GALNTL6: variants seen among roughly 807,000 people sequenced by gnomAD.
GALNTL6 encodes polypeptide N-acetylgalactosaminyltransferase-like 6.
GALNTL6 carries 46 observed loss-of-function variants against 73.7 expected under a neutral mutation model. The ratio of observed to expected loss-of-function variants is 0.62; its 90% confidence interval spans 0.49 to 0.80. GALNTL6 has a LOEUF of 0.80. GALNTL6 is among the 30% of genes least tolerant of loss of function. GALNTL6 has a pLI of 0.00. For synonymous variants in GALNTL6, 259 were observed against 263.7 expected (o/e 0.98, Z 0.17); for missense variants, 604 against 755.0 (o/e 0.80, Z 2.34).
At chr4:172,958,640 C>T (rs574245868) in intron 10 of GALNTL6, among the ~76,000 whole-genome samples, 4 of 152,128 alleles carry the variant, frequency 2.6e-5, no homozygotes, top group African/African-American at 4.8e-5. Flanking sequence ...CGGCAGGGAG[C>T]GCACGTGTGT....
chr4:171,983,515 G>GGTCTCTCA (rs1945633148), intron 2 of GALNTL6, among the ~76,000 whole-genome samples: 1 of 145,974 alleles, frequency 6.9e-6, no homozygotes, highest in Admixed American at 6.8e-5. Flanking sequence ...TTTGAGACGG[G>GGTCTCTCA]GTCTCTCATT....
chr4:172,090,567 T>G (rs1160193054), intron 2 of GALNTL6, among the ~76,000 whole-genome samples: 3 of 152,122 alleles, frequency 2.0e-5, no homozygotes, highest in Non-Finnish European at 4.4e-5. Flanking sequence ...TTGTAAATTT[T>G]TTTAAGTTCT....
chr4:172,363,060 C>T (rs1311024388), intron 5 of GALNTL6, among the ~76,000 whole-genome samples: 2 of 152,094 alleles, frequency 1.3e-5, no homozygotes, highest in Non-Finnish European at 1.5e-5. Flanking sequence ...TTCTTATGCA[C>T]AACATGTCAA....
At chr4:172,132,708 T>C (rs1235500185) in intron 2 of GALNTL6, among the ~76,000 whole-genome samples, 1 of 152,188 alleles carries the variant, frequency 6.6e-6, no homozygotes, top group East Asian at 1.9e-4. Context: ...ATGAATCATA[T>C]TGGAACCTTT....
rs72983876 is a variant in GALNTL6 at position 171,901,468 on chromosome 4, G to A, written c.138+86750G>A. On this transcript the variant is annotated intron_variant, in intron 2 of 12. Transcript: ENST00000506823. ...AAACAGCAGGGAAACAATTACAACT[G>A]AGGGAAGTAAAGTAAGGAAATATTT... 4.4e-3 allele frequency among the ~76,000 whole-genome samples: 677 copies of A among 152,144 alleles called. 6 individuals are homozygous for A. The highest frequency in any genetic ancestry group is 0.016 in the African/African-American group (646 of 41,526).
In GALNTL6 at chr4:172,201,234, G is replaced by T. The variant is rs1388603033; in HGVS notation, c.139-28422G>T. On this transcript the variant is annotated intron_variant, in intron 2 of 12. Transcript: ENST00000506823. ...TTTTGTTTTGTTGTTTTGAGACGGG[G>T]TCTTGCTCTGTCCCCAGGCTGGAGT... 2.0e-5 allele frequency among the ~76,000 whole-genome samples: 3 copies of T among 151,722 alleles called. No homozygotes were observed. The East Asian group carries it at 5.8e-4, about 29-fold the overall frequency.
intron 5 of GALNTL6, among the ~76,000 whole-genome samples, chr4:172,350,813 T>C (rs1311798964): frequency 1.3e-5 from 2 of 152,168 alleles, no homozygotes; most frequent in Non-Finnish European, 2.9e-5. Flanking sequence ...TTGGTTGATG[T>C]ACATTAGCAC....
chr4:172,550,773 A>G (rs1735927702), intron 5 of GALNTL6, among the ~76,000 whole-genome samples: 1 of 151,894 alleles, frequency 6.6e-6, no homozygotes, highest in Admixed American at 6.6e-5. Flanking sequence ...CATTGCAAAT[A>G]TTTTCTCTGA....
chr4:172,445,965 T>C (rs1295753002), intron 5 of GALNTL6, among the ~76,000 whole-genome samples: 1 of 152,106 alleles, frequency 6.6e-6, no homozygotes, highest in Non-Finnish European at 1.5e-5. Context: ...TACTGGGATA[T>C]AAAATGAAAC....
chr4:171,971,550 AT>A lies in GALNTL6; in HGVS notation c.138+156834del, dbSNP rs1179313986. On this transcript the variant is annotated intron_variant, in intron 2 of 12. Coordinates refer to ENST00000506823, the MANE Select transcript of GALNTL6 (RefSeq NM_001034845.3). ...GCTTGGTTCCAAAAAAGGCTTACCT[AT>A]TACCAAGTGAAGAATTATTGAGCAT... 3.3e-5 allele frequency among the ~76,000 whole-genome samples: 5 copies of A among 152,302 alleles called. No individual in the cohort carries two copies. The East Asian group carries it at 9.7e-4, about 29-fold the overall frequency.
At chr4:172,426,497 C>A (rs1731233560) in intron 5 of GALNTL6, among the ~76,000 whole-genome samples, 1 of 152,024 alleles carries the variant, frequency 6.6e-6, no homozygotes, top group South Asian at 2.1e-4. Flanking sequence ...ACAAAAACAG[C>A]TGAATTTTAA....
intron 2 of GALNTL6, among the ~76,000 whole-genome samples, chr4:172,130,670 T>C (rs1733463991): frequency 6.6e-6 from 1 of 152,252 alleles, no homozygotes; most frequent in African/African-American, 2.4e-5. Context: ...CCATTTGTTG[T>C]TAGAAACTGT....
At chr4:172,089,315 T>A (rs1473761506) in intron 2 of GALNTL6, among the ~76,000 whole-genome samples, 1 of 152,212 alleles carries the variant, frequency 6.6e-6, no homozygotes, top group African/African-American at 2.4e-5. Flanking sequence ...AAGATTTTTT[T>A]ATCTGAGCTG....
intron 5 of GALNTL6, among the ~76,000 whole-genome samples, chr4:172,611,567 A>G (rs564845855): frequency 2.4e-4 from 37 of 152,048 alleles, no homozygotes; most frequent in African/African-American, 8.4e-4. Context: ...TTTTCTTTGT[A>G]GGTAATCTGC....
At chr4:172,225,175 C>G (rs1736811217) in intron 2 of GALNTL6, among the ~76,000 whole-genome samples, 1 of 151,756 alleles carries the variant, frequency 6.6e-6, no homozygotes, top group Non-Finnish European at 1.5e-5. Flanking sequence ...ATGATATAAT[C>G]CAAAAGAGAC....
chr4:172,746,562 G>C (rs1737118567), intron 5 of GALNTL6, among the ~76,000 whole-genome samples: 1 of 151,766 alleles, frequency 6.6e-6, no homozygotes, highest in Non-Finnish European at 1.5e-5. Context: ...GTCTATAATA[G>C]TTAATATTTT....
chr4:172,288,931 T>G (rs1184639385), intron 3 of GALNTL6, among the ~76,000 whole-genome samples: 1 of 152,196 alleles, frequency 6.6e-6, no homozygotes, highest in East Asian at 1.9e-4. Context: ...TCCTTTTCTT[T>G]CCTCTATTCT....
intron 5 of GALNTL6, among the ~76,000 whole-genome samples, chr4:172,710,994 A>C (rs1400094033): frequency 6.6e-6 from 1 of 152,158 alleles, no homozygotes; most frequent in Admixed American, 6.6e-5. Context: ...ACCAACTGAA[A>C]TATCTGCCTT....
At position 171,931,321 on chromosome 4, in the gene GALNTL6, A is replaced by G. The variant is rs190388689; in HGVS notation, c.138+116603A>G. Among the ~76,000 whole-genome samples the G allele has an allele frequency of 4.1e-4, 63 of 152,282 alleles. 1 individual carries two copies. Among genetic ancestry groups the G allele is most frequent in the Non-Finnish European group, 7.2e-4 (49 of 68,014 alleles). ...TTCAACCTCCCAAAGTGCTTGGATT[A>G]TAGGCATGAACCACCACAACCGGCC... is the stretch of plus-strand genomic sequence containing the variant. On this transcript the variant is annotated intron_variant, in intron 2 of 12. Coordinates refer to ENST00000506823, the MANE Select transcript of GALNTL6 (RefSeq NM_001034845.3).
Sources: gnomAD v4.1 joint callset for allele counts (sites outside exome capture counted in the v4.1 genomes callset) on GRCh38, gnomAD v4.1.1 for gene constraint, MANE v1.5 for transcripts, NCBI Gene and HGNC (gene_info 2026-07-23, HGNC 2026-07-21) for gene names.